The following IPO9 variants were observed in gnomAD, a reference collection of about 807,000 sequenced individuals.
IPO9 encodes importin-9.
A neutral mutation model predicts 128.6 loss-of-function variants in IPO9; 28 were observed. That is an observed-to-expected ratio of 0.22 (90% CI 0.16 to 0.30). The LOEUF (loss-of-function observed/expected upper bound fraction) is 0.30. IPO9 is among the 10% of genes least tolerant of loss of function. The pLI, the probability that IPO9 is intolerant of heterozygous loss-of-function variation, is 1.00. For synonymous variants in IPO9, 455 were observed against 475.8 expected, an observed-to-expected ratio of 0.96 and a Z score of 0.57; for missense variants, 935 against 1,293.9, an observed-to-expected ratio of 0.72 and a Z score of 4.26.
At chr1:201,871,107 T>A in intron 18 of IPO9, 54 bp from the exon 19 acceptor site, 1 of 1,562,718 alleles carries the variant, frequency 6.4e-7, no homozygotes, top group Non-Finnish European at 8.8e-7. Flanking sequence ...CCCTCTCATC[T>A]CCTATGTCTC....
At chr1:201,832,794 T>A (rs907121268) in intron 1 of IPO9, among the ~76,000 whole-genome samples, 2 of 152,198 alleles carry the variant, frequency 1.3e-5, no homozygotes, top group Non-Finnish European at 2.9e-5. Context: ...ACTGGTCCGT[T>A]CCCTTTGCCA....
In IPO9 at chr1:201,855,144, A is replaced by G. The variant is rs747100096; in HGVS notation, c.932A>G (p.Asn311Ser). Residue 311 changes from asparagine to serine, a missense_variant, in exon 9 of 24, where the codon AAT becomes AGT. Asn to Ser is a conservative substitution (Grantham distance 46). This residue lies in a region of IPO9 where 741 missense variants were observed against 1,019.1 expected (regional missense o/e 0.73). Coordinates refer to ENST00000361565, the MANE Select transcript of IPO9 (RefSeq NM_018085.5). ...SAAFYVRTEV[N>S]YTEEVEDPVD... The stretch of plus-strand genomic sequence containing the variant: ...CATACTTATGTGAGGACAGAAGTAA[A>G]TTACACAGAAGAAGTAGAAGATCCT... 1 of 1,598,624 alleles carries G rather than the reference A, an allele frequency of 6.3e-7. No homozygotes were observed. The highest frequency in any genetic ancestry group is 2.2e-5 in the East Asian group (1 of 44,784).
chr1:201,880,565 C>A lies in IPO9; in HGVS notation c.*4511C>A, dbSNP rs180990493. ...CTTTTGCACCCCAGCTAAGCTGACC[C>A]ATGATCAGTAAGTAGGAAATAAAAG... On this transcript the variant is annotated 3_prime_UTR_variant, in exon 24 of 24. Coordinates refer to ENST00000361565, the MANE Select transcript of IPO9 (RefSeq NM_018085.5). 8.9e-3 allele frequency: 1,361 copies of A among 152,352 alleles called. 11 individuals are homozygous for A. The highest frequency in any genetic ancestry group is 0.016 in the Non-Finnish European group (1,093 of 68,062). 9.4% of individuals were successfully genotyped at this position (152,352 alleles called of 1,614,324 possible). A position where few individuals can be genotyped will look rare whatever the true frequency, so the allele number is the denominator to read the frequency against.
At chr1:201,839,200 G>A (rs1012653965) in intron 1 of IPO9, among the ~76,000 whole-genome samples, 4 of 150,104 alleles carry the variant, frequency 2.7e-5, no homozygotes, top group Non-Finnish European at 4.4e-5. Context: ...GATTACAGGC[G>A]TGAGCCACTG....
chr1:201,874,151 G>C, intron 20 of IPO9, 99 bp from the exon 21 acceptor site: 1 of 1,249,680 alleles, frequency 8.0e-7, no homozygotes, highest in Non-Finnish European at 1.1e-6. Context: ...AGTCTGAGGG[G>C]TGGTGAACTC....
intron 23 of IPO9, 109 bp from the exon 24 acceptor site, chr1:201,875,835 A>AT (rs1480634009): frequency 4.1e-6 from 3 of 728,380 alleles, no homozygotes; most frequent in Non-Finnish European, 7.4e-6. Context: ...GGGAGCTGGC[A>AT]TTTGTCTAAA....
At chr1:201,832,363 A>G (rs1679851256) in intron 1 of IPO9, among the ~76,000 whole-genome samples, 1 of 151,338 alleles carries the variant, frequency 6.6e-6, no homozygotes, top group Non-Finnish European at 1.5e-5. Flanking sequence ...GGTTCAAGCA[A>G]TTCTCGTGCC....
chr1:201,833,944 T>G (rs867571744), intron 1 of IPO9, among the ~76,000 whole-genome samples: 1 of 152,078 alleles, frequency 6.6e-6, no homozygotes, highest in Non-Finnish European at 1.5e-5. Context: ...ATGCCCATAC[T>G]TGGCTGATTT....
intron 1 of IPO9, among the ~76,000 whole-genome samples, chr1:201,833,243 T>A (rs12723566): frequency 2.0e-4 from 26 of 128,152 alleles, no homozygotes; most frequent in East Asian, 9.5e-4. Context: ...TTTTTTTTTT[T>A]AATTTTATTT....
intron 4 of IPO9, among the ~76,000 whole-genome samples, chr1:201,851,423 C>T (rs1323251554): frequency 6.6e-6 from 1 of 151,528 alleles, no homozygotes; most frequent in Non-Finnish European, 1.5e-5. Context: ...AATCCAGGGT[C>T]CTTTGTGCTG....
intron 1 of IPO9, among the ~76,000 whole-genome samples, chr1:201,831,321 C>T (rs887910305): frequency 6.6e-5 from 10 of 152,112 alleles, no homozygotes; most frequent in African/African-American, 2.4e-4. Flanking sequence ...TATGGAAAGG[C>T]ATCGATGCAG....
chr1:201,853,821 G>A (rs960858462), intron 6 of IPO9, among the ~76,000 whole-genome samples: 9 of 152,150 alleles, frequency 5.9e-5, no homozygotes, highest in South Asian at 2.1e-4. Context: ...TCACTGCAAC[G>A]TCCGCCTCCC....
rs767576355 is a variant in IPO9, at chr1:201,870,440, G to A, written c.2134-143G>A. On this transcript the variant is annotated intron_variant, in intron 17 of 23. Transcript: ENST00000361565. This position sits in a 1 kb window ranked among gnomAD's most constrained non-coding sequence, Gnocchi z 4.9. The stretch of plus-strand genomic sequence containing the variant: ...TGTAACAGTAAATGTCTTAACTCCA[G>A]TGGTATGAGCCCACCACAAACATTA... 9.6e-6 allele frequency: 8 copies of A among 831,876 alleles called. No homozygotes were observed. The highest frequency in any genetic ancestry group is 1.5e-5 in the Non-Finnish European group (8 of 549,376). The allele number at this position is 831,876 out of a possible 1,614,324, so 51.5% of individuals were successfully genotyped here.
chr1:201,875,235 G>A lies in IPO9; in HGVS notation c.3015+7G>A, dbSNP rs972706961. 39 of 1,611,066 alleles carry A rather than the reference G, an allele frequency of 2.4e-5. No homozygotes were observed. The highest frequency in any genetic ancestry group is 3.2e-5 in the Non-Finnish European group (38 of 1,177,286). ...CTATCAGATTGATCTGCAGGTGAGG[G>A]TGTCCAGAGATATCTTGCAAATGAC... On this transcript the variant is annotated splice_region_variant and intron_variant, in intron 23 of 23. Transcript: ENST00000361565.
chr1:201,836,757 T>C (rs1011050866), intron 1 of IPO9, among the ~76,000 whole-genome samples: 3 of 152,212 alleles, frequency 2.0e-5, no homozygotes, highest in African/African-American at 7.2e-5. Context: ...CCCTCTTTCA[T>C]CCCCCTATAA....
chr1:201,869,866 C>A, intron 17 of IPO9, 148 bp downstream of exon 17: 1 of 1,034,734 alleles, frequency 9.7e-7, no homozygotes, highest in Non-Finnish European at 1.4e-6. Flanking sequence ...AGGGTTCAGT[C>A]TGCAAAAGCC....
intron 1 of IPO9, chr1:201,829,581 A>T: frequency 1.0e-5 from 1 of 100,402 alleles, no homozygotes; most frequent in East Asian, 2.7e-4. Flanking sequence ...GGGGAGGTGG[A>T]GCCTGGGAGT....
Position 201,829,211 on chromosome 1 carries a change from T to TGGC in IPO9, c.15_17dup (p.Ala7dup), listed in dbSNP as rs753022336. On this transcript the variant is annotated inframe_insertion, in exon 1 of 24. Coordinates refer to ENST00000361565, the MANE Select transcript of IPO9 (RefSeq NM_018085.5). ...GCTGGCGGGCTGAGGGGAGAAAAGATGGCGGCGGCGGCGGCAGCTGGTGCG... is the reference window on the plus strand; with the variant it reads ...GCTGGCGGGCTGAGGGGAGAAAAGATGGCGGCGGCGGCGGCGGCAGCTGGTGCG... 145 of 1,545,472 alleles carry TGGC rather than the reference T, an allele frequency of 9.4e-5. 1 individual carries two copies. In the South Asian group the frequency reaches 9.6e-4, roughly 10 times the overall value.
At position 201,878,736 on chromosome 1, in the gene IPO9, A is replaced by T. The variant is rs991402637; in HGVS notation, c.*2682A>T. 6.6e-6 allele frequency: 1 copy of T among 152,216 alleles called. No homozygotes were observed. Among genetic ancestry groups the T allele is most frequent in the Admixed American group, 6.5e-5 (1 of 15,278 alleles). 9.4% of individuals were successfully genotyped at this position (152,216 alleles called of 1,614,324 possible). On this transcript the variant is annotated 3_prime_UTR_variant, in exon 24 of 24. Coordinates refer to ENST00000361565, the MANE Select transcript of IPO9 (RefSeq NM_018085.5). ...CCTTTATAACAGGTTCACAGAGTGGATATTCCCATTCTGTTGATGAGAAAA... is the reference window on the plus strand; with the variant it reads ...CCTTTATAACAGGTTCACAGAGTGGTTATTCCCATTCTGTTGATGAGAAAA...
Sources: gnomAD v4.1 joint callset for allele counts (sites outside exome capture counted in the v4.1 genomes callset) on GRCh38, gnomAD v4.1.1 for gene constraint, gnomAD v4.1.1 regional missense constraint, Gnocchi (gnomAD v3.1) non-coding constraint, MANE v1.5 for transcripts, NCBI Gene and HGNC (gene_info 2026-07-23, HGNC 2026-07-21) for gene names.